LRRC1: variants seen among roughly 807,000 people sequenced by gnomAD.
LRRC1 encodes the protein leucine rich repeat containing 1.
Under a neutral mutation model 69.9 loss-of-function variants are expected in LRRC1, and 28 were observed. The observed-to-expected ratio is 0.40, with a 90% CI of 0.30 to 0.55. The LOEUF is 0.55. Ranked by LOEUF, LRRC1 falls within the 20% of genes least tolerant of loss-of-function variation. LRRC1 has a pLI of 0.47. For synonymous variants in LRRC1, 236 were observed against 240.2 expected, an observed-to-expected ratio of 0.98 and a Z score of 0.16; for missense variants, 498 against 609.0, an observed-to-expected ratio of 0.82 and a Z score of 1.92.
At chr6:53,906,194 G>A (rs1169809859) in intron 10 of LRRC1, among the ~76,000 whole-genome samples, 1 of 152,172 alleles carries the variant, frequency 6.6e-6, no homozygotes, top group East Asian at 1.9e-4. Flanking sequence ...CCAGTAAGTA[G>A]TTTTTCTTAC....
In LRRC1 at chr6:53,822,929, G is replaced by A. The variant is rs141925106; in HGVS notation, c.160-19181G>A. On this transcript the variant is annotated intron_variant, in intron 1 of 13. Transcript: ENST00000370888. ...GTAAGCCCTCCCGCGTCCTGGAAAG[G>A]GTTGTCAGAGCAAACGCTGTCATAT... 2.2e-3 allele frequency among the ~76,000 whole-genome samples: 328 copies of A among 152,298 alleles called. 2 individuals carry two copies. Among genetic ancestry groups the A allele is most frequent in the African/African-American group, 7.5e-3 (313 of 41,560 alleles).
chr6:53,911,791 A>G (rs774403780), intron 10 of LRRC1, among the ~76,000 whole-genome samples: 62 of 152,224 alleles, frequency 4.1e-4, no homozygotes, highest in Non-Finnish European at 2.9e-4. Flanking sequence ...TAAATTTATC[A>G]GAGACTCTAA....
chr6:53,807,913 G>A (rs373876990), intron 1 of LRRC1, among the ~76,000 whole-genome samples: 116 of 152,364 alleles, frequency 7.6e-4, no homozygotes, highest in African/African-American at 2.7e-3. Flanking sequence ...TTCCTGCAAA[G>A]CCTTGGGGAT....
At chr6:53,846,809 T>C (rs1426067288) in intron 2 of LRRC1, among the ~76,000 whole-genome samples, 1 of 152,180 alleles carries the variant, frequency 6.6e-6, no homozygotes, top group African/African-American at 2.4e-5. Context: ...TGTATCTGCT[T>C]TCTCTGCTAA....
intron 2 of LRRC1, among the ~76,000 whole-genome samples, chr6:53,845,824 C>T (rs1012954959): frequency 6.6e-6 from 1 of 152,166 alleles, no homozygotes; most frequent in Non-Finnish European, 1.5e-5. Context: ...CCTGCTGGTC[C>T]CCAGCCACAC....
intron 2 of LRRC1, among the ~76,000 whole-genome samples, chr6:53,849,537 G>C (rs1452744409): frequency 6.6e-6 from 1 of 152,178 alleles, no homozygotes; most frequent in Non-Finnish European, 1.5e-5. Flanking sequence ...GCTCCAGGCA[G>C]CTGAAGGTTG....
intron 1 of LRRC1, among the ~76,000 whole-genome samples, chr6:53,804,918 T>A (rs1171230846): frequency 6.6e-6 from 1 of 152,198 alleles, no homozygotes; most frequent in Non-Finnish European, 1.5e-5. Flanking sequence ...AGAGGTAAAG[T>A]GATGTATTAA....
chr6:53,816,070 CT>C (rs1764942798), intron 1 of LRRC1, among the ~76,000 whole-genome samples: 1 of 152,140 alleles, frequency 6.6e-6, no homozygotes, highest in South Asian at 2.1e-4. Flanking sequence ...GAAAGTTTTA[CT>C]TTTATAACGT....
chr6:53,861,687 C>T (rs1262727613), intron 2 of LRRC1, among the ~76,000 whole-genome samples: 2 of 152,048 alleles, frequency 1.3e-5, no homozygotes, highest in African/African-American at 2.4e-5. Context: ...AAGGGCTTCT[C>T]CTGCCCTTCT....
intron 1 of LRRC1, among the ~76,000 whole-genome samples, chr6:53,831,712 A>T (rs1238543830): frequency 6.6e-6 from 1 of 152,180 alleles, no homozygotes; most frequent in African/African-American, 2.4e-5. Context: ...ATGTTGCCTT[A>T]GAGAGTTATG....
intron 10 of LRRC1, among the ~76,000 whole-genome samples, chr6:53,913,563 AGCAGT>A (rs1225624643): frequency 6.6e-6 from 1 of 152,264 alleles, no homozygotes; most frequent in Non-Finnish European, 1.5e-5. Context: ...GTTAGATATC[AGCAGT>A]GGAAAATGAT....
At chr6:53,889,804 G>A (rs1023296768) in intron 4 of LRRC1, among the ~76,000 whole-genome samples, 3 of 152,124 alleles carry the variant, frequency 2.0e-5, no homozygotes, top group South Asian at 2.1e-4. Flanking sequence ...TTATATCTCC[G>A]TAAAAAGAAT....
intron 2 of LRRC1, among the ~76,000 whole-genome samples, chr6:53,865,574 A>T (rs1024510859): frequency 6.6e-6 from 1 of 151,980 alleles, no homozygotes; most frequent in South Asian, 2.1e-4. Context: ...TGTTTATGCC[A>T]TATTATTTTT....
intron 4 of LRRC1, among the ~76,000 whole-genome samples, chr6:53,893,865 T>C (rs1562063291): frequency 6.6e-6 from 1 of 152,136 alleles, no homozygotes; most frequent in East Asian, 1.9e-4. Flanking sequence ...GTTAGCATGA[T>C]GGGGGTGGGA....
At position 53,795,340 on chromosome 6, in the gene LRRC1, C is replaced by A. The variant is rs754836779; in HGVS notation, c.84C>A (p.Pro28=). 8.1e-6 allele frequency: 13 copies of A among 1,613,628 alleles called. No individual in the cohort carries two copies. The highest frequency in any genetic ancestry group is 1.7e-6 in the Non-Finnish European group (2 of 1,179,968). ...GCCACTGCTCGCTGGTCTACGTCCC[C>A]GAGGAGATCTACCGCTATGCCCGGA... ...DKRHCSLVYV[P]EEIYRYARSL... Residue 28 remains proline, a synonymous_variant, in exon 1 of 14, where the codon CCC becomes CCA. Coordinates refer to ENST00000370888, the MANE Select transcript of LRRC1 (RefSeq NM_018214.5).
chr6:53,837,216 G>GT (rs35504026), intron 1 of LRRC1, among the ~76,000 whole-genome samples: 39,815 of 149,622 alleles, frequency 0.27, 5,332 homozygotes, highest in African/African-American at 0.29. Context: ...ATATGTGAGA[G>GT]TTTTTTTTTT....
chr6:53,861,350 G>T (rs966528731), intron 2 of LRRC1, among the ~76,000 whole-genome samples: 2 of 151,444 alleles, frequency 1.3e-5, no homozygotes, highest in Admixed American at 1.3e-4. Context: ...AGGTGATTTT[G>T]ATCTCAGCCA....
intron 13 of LRRC1, 167 bp downstream of exon 13, chr6:53,920,928 A>G (rs1254091573): frequency 1.4e-6 from 1 of 713,644 alleles, no homozygotes; most frequent in Non-Finnish European, 2.3e-6. Flanking sequence ...GTACTCACTC[A>G]CAAAAGGTAA....
In LRRC1 at chr6:53,842,441, A is replaced by C. The variant is rs118143836; in HGVS notation, c.277+214A>C. Among the ~76,000 whole-genome samples the C allele has an allele frequency of 1.4e-3, 215 of 152,318 alleles. 3 individuals carry two copies. In the East Asian group the frequency reaches 0.032, roughly 22 times the overall value. On this transcript the variant is annotated intron_variant, in intron 2 of 13. Transcript: ENST00000370888. The stretch of plus-strand genomic sequence containing the variant: ...TCCCTGATAGTTATGGGAAAACTAT[A>C]TGATTCTTGGGGTGAAATTAATGCC...
Sources: gnomAD v4.1 joint callset for allele counts (sites outside exome capture counted in the v4.1 genomes callset) on GRCh38, gnomAD v4.1.1 for gene constraint, MANE v1.5 for transcripts, NCBI Gene and HGNC (gene_info 2026-07-23, HGNC 2026-07-21) for gene names.